RPL5: variants seen among roughly 807,000 people sequenced by gnomAD.
The protein encoded by RPL5 is large ribosomal subunit protein uL18.
In RPL5, 1 loss-of-function variant was observed where a neutral mutation model predicts 38.4. That is an observed-to-expected ratio of 0.03 (90% CI 0.01 to 0.12). The LOEUF (loss-of-function observed/expected upper bound fraction) is 0.12. RPL5 is among the 10% of genes least tolerant of loss of function. The probability of loss-of-function intolerance (pLI) is 1.00; values close to 1 mark genes in which losing one functional copy is unlikely to be tolerated. For missense variants in RPL5, 243 were observed against 374.1 expected (o/e 0.65, Z 2.89); for synonymous variants, 109 against 121.2 (o/e 0.90, Z 0.66).
intron 7 of RPL5, 114 bp downstream of exon 7, chr1:92,840,753 C>A: frequency 1.2e-6 from 1 of 834,160 alleles, no homozygotes; most frequent in Non-Finnish European, 2.1e-6. Flanking sequence ...CGTGATGTGG[C>A]AGAAGCGAAG....
intron 1 of RPL5, chr1:92,832,622 C>A: frequency 3.3e-6 from 1 of 302,262 alleles, no homozygotes; most frequent in Non-Finnish European, 6.2e-6. Context: ...GCTTTTAAGC[C>A]AAAATTGTCA....
chr1:92,832,961 C>G, intron 1 of RPL5: 1 of 719,172 alleles, frequency 1.4e-6, no homozygotes, highest in Non-Finnish European at 2.5e-6. Flanking sequence ...TCCGAACAAA[C>G]CGACGTTTGG....
intron 1 of RPL5, chr1:92,832,587 C>G (rs923686754): frequency 3.1e-6 from 1 of 320,634 alleles, no homozygotes; most frequent in Non-Finnish European, 5.9e-6. Flanking sequence ...ATTTAGGAAG[C>G]TTGTGCCCGT....
At chr1:92,833,718 A>G (rs1248380334) in intron 3 of RPL5, 58 bp downstream of exon 3, 4 of 1,328,082 alleles carry the variant, frequency 3.0e-6, no homozygotes, top group Admixed American at 3.4e-5. Flanking sequence ...GTGCTTGGGA[A>G]GCAAAGCACA....
intron 5 of RPL5, 46 bp downstream of exon 5, chr1:92,836,438 C>A (rs762888101): frequency 1.8e-5 from 28 of 1,553,962 alleles, no homozygotes; most frequent in Non-Finnish European, 2.5e-5. Flanking sequence ...GTGGTACTTC[C>A]CTGTTTTTAA....
chr1:92,834,303 G>T (rs1687032025), intron 3 of RPL5, among the ~76,000 whole-genome samples: 1 of 152,206 alleles, frequency 6.6e-6, no homozygotes, highest in Non-Finnish European at 1.5e-5. Context: ...ATGTACAAAG[G>T]TGGCTCCCGC....
At chr1:92,838,167 G>C (rs1189578929) in intron 6 of RPL5, among the ~76,000 whole-genome samples, 2 of 152,204 alleles carry the variant, frequency 1.3e-5, no homozygotes, top group Non-Finnish European at 2.9e-5. Flanking sequence ...TTTTGGCATA[G>C]CTATTGGTTA....
At chr1:92,840,956 G>A in intron 7 of RPL5, 1 of 455,852 alleles carries the variant, frequency 2.2e-6, no homozygotes, top group Non-Finnish European at 4.2e-6. Context: ...TAATGAACAT[G>A]TAAGCATAAA....
chr1:92,840,163 A>G (rs191561808), intron 6 of RPL5: 15 of 256,266 alleles, frequency 5.9e-5, no homozygotes, highest in East Asian at 1.1e-4. Context: ...GCCACCATTA[A>G]TAATTGCCAC....
chr1:92,833,290 T>C (rs1196107724), intron 1 of RPL5, 99 bp from the exon 2 acceptor site: 1 of 968,364 alleles, frequency 1.0e-6, no homozygotes, highest in Non-Finnish European at 1.6e-6. Context: ...GTCTGTTTAC[T>C]CTTGAAGTTC....
chr1:92,832,208 C>T (rs1558282864), intron 1 of RPL5, 91 bp downstream of exon 1: 5 of 1,581,132 alleles, frequency 3.2e-6, no homozygotes, highest in Non-Finnish European at 3.4e-6. Context: ...TCGCGCGTCG[C>T]AGGGGCCGGA....
Position 92,832,120 on chromosome 1 carries a change from G to T in RPL5, c.3+3G>T, listed in dbSNP as rs200628272. 1 of 1,614,140 alleles carries T rather than the reference G, an allele frequency of 6.2e-7. No homozygotes were observed. Among genetic ancestry groups the T allele is most frequent in the Non-Finnish European group, 8.5e-7 (1 of 1,180,002 alleles). On this transcript the variant is annotated splice_donor_region_variant and intron_variant, in intron 1 of 7. Coordinates refer to ENST00000370321, the MANE Select transcript of RPL5 (RefSeq NM_000969.5). ...GCCGGTCTCTGTTCCGCAGGATGGTGAGTGGATGCCTCGGTCTCGGGGCTT... is the reference window on the plus strand; with the variant it reads ...GCCGGTCTCTGTTCCGCAGGATGGTTAGTGGATGCCTCGGTCTCGGGGCTT...
At chr1:92,835,398 A>G (rs1166246476) in intron 4 of RPL5, 1 of 200,104 alleles carries the variant, frequency 5.0e-6, no homozygotes. Context: ...CACACTTATA[A>G]TCCCAGCACT....
At position 92,832,058 on chromosome 1, in the gene RPL5, C is replaced by T. The variant is rs1393818614; in HGVS notation, c.-57C>T. 7 of 1,611,670 alleles carry T rather than the reference C, an allele frequency of 4.3e-6. No individual in the cohort carries two copies. The East Asian group carries it at 6.7e-5, about 15-fold the overall frequency. On this transcript the variant is annotated 5_prime_UTR_variant, in exon 1 of 8. Coordinates refer to ENST00000370321, the MANE Select transcript of RPL5 (RefSeq NM_000969.5). ...CTGTGGCCCTTTTCCCACCCCCTAG[C>T]GCCGCTGGGCCTGCAGGTCTCTGTC...
At chr1:92,833,859 C>CT in intron 3 of RPL5, 199 bp downstream of exon 3, 3 of 581,590 alleles carry the variant, frequency 5.2e-6, no homozygotes, top group Non-Finnish European at 9.1e-6. Flanking sequence ...GCGCTCATGC[C>CT]TGTAATCCCA....
At chr1:92,835,573 T>A (rs1350459948) in intron 4 of RPL5, among the ~76,000 whole-genome samples, 1 of 146,526 alleles carries the variant, frequency 6.8e-6, no homozygotes, top group Non-Finnish European at 1.5e-5. Flanking sequence ...GGCAGGAGAA[T>A]CACTTGAACC....
At chr1:92,840,758 G>A (rs558931908) in intron 7 of RPL5, 119 bp downstream of exon 7, 2 of 817,102 alleles carry the variant, frequency 2.4e-6, no homozygotes, top group Admixed American at 3.4e-5. Flanking sequence ...TGTGGCAGAA[G>A]CGAAGGGAAC....
Position 92,832,127 on chromosome 1 carries a change from T to TGCCTCGGTCTCGGG in RPL5, c.3+13_3+26dup. On this transcript the variant is annotated intron_variant, in intron 1 of 7. Transcript: ENST00000370321. ...TCTGTTCCGCAGGATGGTGAGTGGA[T>TGCCTCGGTCTCGGG]GCCTCGGTCTCGGGGCTTTAGATGC... is the stretch of plus-strand genomic sequence containing the variant. 2.5e-6 allele frequency: 4 copies of TGCCTCGGTCTCGGG among 1,614,102 alleles called. No homozygotes were observed. Among genetic ancestry groups the TGCCTCGGTCTCGGG allele is most frequent in the Non-Finnish European group, 3.4e-6 (4 of 1,179,978 alleles).
intron 4 of RPL5, chr1:92,835,126 T>C (rs1227719929): frequency 3.1e-6 from 2 of 646,014 alleles, no homozygotes; most frequent in Non-Finnish European, 5.3e-6. Context: ...TGTCCAGTGG[T>C]TTTGCCACTA....
Sources: gnomAD v4.1 joint callset for allele counts (sites outside exome capture counted in the v4.1 genomes callset) on GRCh38, gnomAD v4.1.1 for gene constraint, MANE v1.5 for transcripts, NCBI Gene and HGNC (gene_info 2026-07-23, HGNC 2026-07-21) for gene names.